Variants in POLN observed in about 807,000 individuals in gnomAD.
POLN encodes the protein DNA polymerase N.
POLN carries 108 observed loss-of-function variants against 113.5 expected under a neutral mutation model. That is an observed-to-expected ratio of 0.95 (90% CI 0.81 to 1.12). The LOEUF (loss-of-function observed/expected upper bound fraction) is 1.12, where lower values mean the gene tolerates loss of function less well. POLN is among the 50% of genes most tolerant of loss of function. The pLI, the probability that POLN is intolerant of heterozygous loss-of-function variation, is 0.00. For synonymous variants in POLN, 386 were observed against 391.5 expected, an observed-to-expected ratio of 0.99 and a Z score of 0.17; for missense variants, 1,097 against 1,077.1, an observed-to-expected ratio of 1.02 and a Z score of -0.26.
intron 20 of POLN, among the ~76,000 whole-genome samples, chr4:2,092,551 T>G (rs113340523): frequency 6.6e-6 from 1 of 152,318 alleles, no homozygotes; most frequent in African/African-American, 2.4e-5. Context: ...CCACGGTGGC[T>G]GCGGGGACTG....
chr4:2,091,798 T>TGCGC (rs552997507), intron 20 of POLN, among the ~76,000 whole-genome samples: 2,388 of 133,356 alleles, frequency 0.018, 30 homozygotes, highest in Middle Eastern at 0.031. Flanking sequence ...TGTGTGTGTG[T>TGCGC]GTGCGCGCGC....
intron 3 of POLN, among the ~76,000 whole-genome samples, chr4:2,221,148 T>C (rs1048386164): frequency 1.3e-5 from 2 of 152,122 alleles, no homozygotes; most frequent in Non-Finnish European, 2.9e-5. Flanking sequence ...TTTATTATTA[T>C]TATTTTTGAA....
intron 6 of POLN, among the ~76,000 whole-genome samples, chr4:2,197,069 T>G (rs952991096): frequency 6.6e-6 from 1 of 152,206 alleles, no homozygotes; most frequent in Non-Finnish European, 1.5e-5. Context: ...TCATAGGTCC[T>G]GTGGCTTTTC....
chr4:2,134,001 C>T (rs990149183), intron 16 of POLN, among the ~76,000 whole-genome samples: 1 of 152,202 alleles, frequency 6.6e-6, no homozygotes. Flanking sequence ...CTTTACTTAT[C>T]CAACCTCATC....
At chr4:2,194,118 C>CAG (rs1733519775) in intron 6 of POLN, among the ~76,000 whole-genome samples, 2 of 152,104 alleles carry the variant, frequency 1.3e-5, no homozygotes, top group African/African-American at 4.8e-5. Flanking sequence ...GCACTAGAAC[C>CAG]ATTTTACAGA....
chr4:2,235,102 T>C (rs1354697032), intron 2 of POLN, among the ~76,000 whole-genome samples: 2 of 152,184 alleles, frequency 1.3e-5, no homozygotes, highest in Non-Finnish European at 2.9e-5. Flanking sequence ...GCCAGGCTGG[T>C]CTTGAACTCC....
intron 19 of POLN, among the ~76,000 whole-genome samples, chr4:2,120,366 T>C (rs975519992): frequency 1.9e-4 from 29 of 152,208 alleles, no homozygotes; most frequent in African/African-American, 7.0e-4. Context: ...GTATGTTGAG[T>C]CTTCCATACC....
chr4:2,133,370 G>GT (rs996121884), intron 16 of POLN, among the ~76,000 whole-genome samples: 1 of 152,188 alleles, frequency 6.6e-6, no homozygotes, highest in Non-Finnish European at 1.5e-5. Context: ...GCACTCCCAT[G>GT]TTTACTGCAG....
Position 2,089,961 on chromosome 4 carries a change from C to T in POLN, c.2066-4217G>A, listed in dbSNP as rs533431918. On this transcript the variant is annotated intron_variant, in intron 20 of 25. Transcript: ENST00000511885. Reference sequence around the variant, plus strand: ...TAGCTAGTGAAAGTTCTTTTGTTAACCTACATGATTCTGGTTTCTTTTCAC... The same window carrying T: ...TAGCTAGTGAAAGTTCTTTTGTTAATCTACATGATTCTGGTTTCTTTTCAC... The T allele has an allele frequency of 7.8e-5, 74 of 944,722 alleles. No individual in the cohort carries two copies. The African/African-American group carries it at 1.1e-3, about 14-fold the overall frequency. 58.5% of individuals were successfully genotyped at this position (944,722 alleles called of 1,614,324 possible).
chr4:2,240,333 C>G, intron 2 of POLN: 11 of 1,603,158 alleles, frequency 6.9e-6, no homozygotes, highest in Non-Finnish European at 8.5e-6. Context: ...CTCTTCCTGA[C>G]TTAGGTATTT....
In POLN at chr4:2,173,980, A is replaced by T. The variant is rs1202663996; in HGVS notation, c.1349T>A (p.Met450Lys). The change falls in exon 11 of 26, where the codon ATG becomes AAG. Residue 450 changes from methionine (M) to lysine (K), a missense_variant. Coordinates refer to ENST00000511885, the MANE Select transcript of POLN (RefSeq NM_181808.4). Reference protein sequence around the residue: ...SHAIQVNKEEMEKTSALLGAR... With the variant: ...SHAIQVNKEEKEKTSALLGAR... ...CCCAAGAAGTGCTGACGTCTTCTCC[A>T]TCTCCTCTTTGTTCACCTGAATGGC... The T allele has an allele frequency of 1.2e-6, 2 of 1,614,220 alleles. No homozygotes were observed. The highest frequency in any genetic ancestry group is 1.7e-6 in the Non-Finnish European group (2 of 1,180,028).
At chr4:2,152,956 C>G (rs1040684985) in intron 16 of POLN, among the ~76,000 whole-genome samples, 1 of 152,218 alleles carries the variant, frequency 6.6e-6, no homozygotes, top group Non-Finnish European at 1.5e-5. Flanking sequence ...GTACCCAGTA[C>G]AGTAATTACT....
rs1419690722 is a variant in POLN at position 2,112,787 on chromosome 4, A to G, written c.1982+15326T>C. On this transcript the variant is annotated intron_variant, in intron 19 of 25. Coordinates refer to ENST00000511885, the MANE Select transcript of POLN (RefSeq NM_181808.4). ...ATAGGAACACTTTTACACTGTTGGTAGGACTGTAAACTAGTTCAACCATTG... is the reference window on the plus strand; with the variant it reads ...ATAGGAACACTTTTACACTGTTGGTGGGACTGTAAACTAGTTCAACCATTG... Among the ~76,000 whole-genome samples, 6 of 152,242 alleles carry G rather than the reference A, an allele frequency of 3.9e-5. No homozygotes were observed. In the East Asian group the frequency reaches 7.7e-4, roughly 20 times the overall value.
intron 14 of POLN, among the ~76,000 whole-genome samples, chr4:2,158,460 T>C (rs1422912845): frequency 2.0e-5 from 3 of 152,166 alleles, no homozygotes; most frequent in Non-Finnish European, 4.4e-5. Flanking sequence ...ACAGGAAATT[T>C]GCAAAGATAA....
intron 6 of POLN, among the ~76,000 whole-genome samples, chr4:2,194,503 A>G (rs1352046334): frequency 6.6e-6 from 1 of 152,088 alleles, no homozygotes; most frequent in Admixed American, 6.6e-5. Flanking sequence ...ACAGCTTCAG[A>G]TCTTGGCTTG....
chr4:2,163,505 C>T (rs931270485), intron 13 of POLN, among the ~76,000 whole-genome samples: 2 of 152,234 alleles, frequency 1.3e-5, no homozygotes, highest in South Asian at 2.1e-4. Flanking sequence ...GGCTCACCCG[C>T]GCTCTGCGCC....
At chr4:2,200,769 C>A (rs2108760439) in intron 5 of POLN, among the ~76,000 whole-genome samples, 1 of 152,222 alleles carries the variant, frequency 6.6e-6, no homozygotes, top group East Asian at 1.9e-4. Flanking sequence ...TGAGAAGGAA[C>A]CAGAAAACCA....
chr4:2,182,420 A>C (rs552378478), intron 7 of POLN, among the ~76,000 whole-genome samples: 2 of 152,300 alleles, frequency 1.3e-5, no homozygotes, highest in Admixed American at 1.3e-4. Flanking sequence ...CAGAGACTGG[A>C]GGGATGTGTC....
intron 16 of POLN, among the ~76,000 whole-genome samples, chr4:2,140,319 C>T (rs535776998): frequency 9.9e-5 from 15 of 152,126 alleles, no homozygotes; most frequent in Non-Finnish European, 1.9e-4. Context: ...ACTTATGATC[C>T]ACCCGCCTCA....
Sources: allele counts gnomAD v4.1 joint callset (sites outside exome capture counted in the v4.1 genomes callset), GRCh38; gene constraint gnomAD v4.1.1; transcripts MANE v1.5; gene names NCBI Gene and HGNC (gene_info 2026-07-23, HGNC 2026-07-21).